The following DOCK5 variants were observed in gnomAD, a reference collection of about 807,000 sequenced individuals.
DOCK5 encodes the protein dedicator of cytokinesis 5, also known as dedicator of cytokinesis protein 5.
DOCK5 carries 142 observed loss-of-function variants against 251.8 expected under a neutral mutation model. The ratio of observed to expected loss-of-function variants is 0.56; its 90% CI spans 0.49 to 0.65. DOCK5 has a LOEUF of 0.65. Among genes scored for constraint, DOCK5 ranks in the 30% least tolerant of loss-of-function variants. DOCK5 has a pLI of 0.00. For synonymous variants in DOCK5, 842 were observed against 835.5 expected (o/e 1.01, Z -0.13); for missense variants, 2,111 against 2,312.3 (o/e 0.91, Z 1.79).
chr8:25,337,250 A>T (rs913456183), intron 22 of DOCK5, among the ~76,000 whole-genome samples: 1 of 152,168 alleles, frequency 6.6e-6, no homozygotes, highest in Non-Finnish European at 1.5e-5. Flanking sequence ...ACATGCATGC[A>T]CACACACACC....
chr8:25,377,268 G>A, intron 37 of DOCK5, 37 bp from the exon 38 acceptor site: 1 of 1,570,084 alleles, frequency 6.4e-7, no homozygotes, highest in Non-Finnish European at 8.6e-7. Context: ...CTGAATATTT[G>A]TTGTATTAAC....
At chr8:25,187,242 TA>T (rs1801452338) in intron 1 of DOCK5, among the ~76,000 whole-genome samples, 8 of 145,382 alleles carry the variant, frequency 5.5e-5, no homozygotes, top group Admixed American at 4.8e-4. Context: ...TATATATATA[TA>T]TACACACACA....
rs138157790 is a variant in DOCK5 at position 25,231,976 on chromosome 8, G to A, written c.44-11698G>A. 1.9e-4 allele frequency among the ~76,000 whole-genome samples: 29 copies of A among 152,098 alleles called. 1 individual carries two copies. The East Asian group carries it at 3.7e-3, about 19-fold the overall frequency. On this transcript the variant is annotated intron_variant, in intron 1 of 51. Transcript: ENST00000276440. The stretch of plus-strand genomic sequence containing the variant: ...TGATGTTGATATTGGAATGTTCCTC[G>A]GGTTATTTAGAGGTGTGTGTTTAGT...
At chr8:25,406,760 T>C (rs1280291893) in intron 48 of DOCK5, among the ~76,000 whole-genome samples, 1 of 152,132 alleles carries the variant, frequency 6.6e-6, no homozygotes. Flanking sequence ...CTTGAGTAGC[T>C]GGGACTACAG....
chr8:25,338,815 C>T (rs1805877584), intron 22 of DOCK5, among the ~76,000 whole-genome samples: 1 of 152,130 alleles, frequency 6.6e-6, no homozygotes, highest in Non-Finnish European at 1.5e-5. Context: ...AGAAAGAAAA[C>T]CTGAGTGTGA....
intron 2 of DOCK5, among the ~76,000 whole-genome samples, chr8:25,259,816 A>G (rs1312599316): frequency 1.3e-5 from 2 of 152,180 alleles, no homozygotes; most frequent in East Asian, 3.9e-4. Context: ...TCTTTCCAAT[A>G]TCTGGCTATC....
chr8:25,271,469 C>T (rs1037410471), intron 3 of DOCK5, among the ~76,000 whole-genome samples: 6 of 152,276 alleles, frequency 3.9e-5, no homozygotes, highest in Non-Finnish European at 5.9e-5. Flanking sequence ...TCATTAGAAA[C>T]GCTCTCCTGT....
chr8:25,364,986 A>T (rs984541937), intron 30 of DOCK5, among the ~76,000 whole-genome samples: 1 of 152,232 alleles, frequency 6.6e-6, no homozygotes, highest in Non-Finnish European at 1.5e-5. Flanking sequence ...GTCGCTATAA[A>T]CATTTGGAGT....
intron 2 of DOCK5, among the ~76,000 whole-genome samples, chr8:25,252,435 C>T (rs900677911): frequency 2.0e-5 from 3 of 152,206 alleles, no homozygotes; most frequent in Non-Finnish European, 4.4e-5. Flanking sequence ...TATATAGTCT[C>T]CACGATCTAG....
At chr8:25,377,715 C>T (rs1800989519) in intron 38 of DOCK5, among the ~76,000 whole-genome samples, 1 of 152,060 alleles carries the variant, frequency 6.6e-6, no homozygotes, top group South Asian at 2.1e-4. Flanking sequence ...TTAACCATTC[C>T]AGTTTCATCA....
At chr8:25,410,970 T>TGCGC (rs1365127650) in intron 51 of DOCK5, among the ~76,000 whole-genome samples, 1 of 18,610 alleles carries the variant, frequency 5.4e-5, no homozygotes, top group African/African-American at 1.6e-4. Flanking sequence ...TGTGTGTGTG[T>TGCGC]GTGCGCGCGC....
At chr8:25,259,492 A>G (rs917552827) in intron 2 of DOCK5, among the ~76,000 whole-genome samples, 4 of 152,158 alleles carry the variant, frequency 2.6e-5, no homozygotes, top group Non-Finnish European at 4.4e-5. Flanking sequence ...GTCTTGCTCT[A>G]TCACCTAGGG....
At chr8:25,347,602 C>T (rs749402325) in intron 26 of DOCK5, among the ~76,000 whole-genome samples, 49 of 152,276 alleles carry the variant, frequency 3.2e-4, no homozygotes, top group Middle Eastern at 6.8e-3. Context: ...TAAAGCTCCA[C>T]GCCCTATAAA....
In DOCK5 at chr8:25,367,328, C is replaced by T. The variant is rs1800795699; in HGVS notation, c.3224+358C>T. Among the ~76,000 whole-genome samples the T allele has an allele frequency of 3.9e-5, 6 of 152,320 alleles. No individual in the cohort carries two copies. The South Asian group carries it at 1.2e-3, about 32-fold the overall frequency. On this transcript the variant is annotated intron_variant, in intron 31 of 51. Coordinates refer to ENST00000276440, the MANE Select transcript of DOCK5 (RefSeq NM_024940.8). The stretch of plus-strand genomic sequence containing the variant: ...TAGCGCTTCACAAAGCACACTCCTT[C>T]AGCACAGTTGCTCCACCTCCCTGCC...
intron 24 of DOCK5, 84 bp from the exon 25 acceptor site, chr8:25,342,317 C>A: frequency 9.6e-7 from 1 of 1,042,738 alleles, no homozygotes; most frequent in South Asian, 1.4e-5. Context: ...ATGCCCAAAT[C>A]TCAGAGTGGA....
chr8:25,247,608 A>G (rs1390136373), intron 2 of DOCK5, among the ~76,000 whole-genome samples: 1 of 149,380 alleles, frequency 6.7e-6, no homozygotes, highest in Admixed American at 6.6e-5. Context: ...AAGAAAAAAA[A>G]AAGTAATTTT....
intron 26 of DOCK5, among the ~76,000 whole-genome samples, chr8:25,350,631 T>C (rs917678530): frequency 6.6e-6 from 1 of 152,196 alleles, no homozygotes; most frequent in Non-Finnish European, 1.5e-5. Flanking sequence ...ATTTATTTTC[T>C]CACAGTTCTG....
Position 25,405,285 on chromosome 8 carries a change from ACT to A in DOCK5, c.5093+1562_5093+1563del, listed in dbSNP as rs1303827640. On this transcript the variant is annotated intron_variant, in intron 48 of 51. Coordinates refer to ENST00000276440, the MANE Select transcript of DOCK5 (RefSeq NM_024940.8). ...AAAAGGTACTTTTTTTTTTTCATTG[ACT>A]TTTAGGGTTTCACTATTTACAATTT... Among the ~76,000 whole-genome samples, 3 of 150,256 alleles carry A rather than the reference ACT, an allele frequency of 2.0e-5. No homozygotes were observed. The East Asian group carries it at 5.9e-4, about 29-fold the overall frequency.
At chr8:25,406,842 G>T (rs1801532107) in intron 48 of DOCK5, among the ~76,000 whole-genome samples, 1 of 151,838 alleles carries the variant, frequency 6.6e-6, no homozygotes, top group African/African-American at 2.4e-5. Context: ...TGGCCAGGCT[G>T]GTCTCTAACT....
Sources: gnomAD v4.1 joint callset for allele counts (sites outside exome capture counted in the v4.1 genomes callset) on GRCh38, gnomAD v4.1.1 for gene constraint, MANE v1.5 for transcripts, NCBI Gene and HGNC (gene_info 2026-07-23, HGNC 2026-07-21) for gene names.